ACACA: variants seen among roughly 807,000 people sequenced by gnomAD.
The protein encoded by ACACA is acetyl-CoA carboxylase alpha.
ACACA carries 103 observed loss-of-function variants against 296.1 expected under a neutral mutation model. The ratio of observed to expected loss-of-function variants is 0.35; its 90% confidence interval spans 0.30 to 0.41. The LOEUF is 0.41. ACACA is among the 10% of genes least tolerant of loss of function. The pLI is 1.00. For missense variants in ACACA, 1,554 were observed against 2,989.7 expected, an observed-to-expected ratio of 0.52 and a Z score of 11.20; for synonymous variants, 953 against 1,038.6, an observed-to-expected ratio of 0.92 and a Z score of 1.58.
At chr17:37,217,175 C>A (rs1331480133) in intron 29 of ACACA, among the ~76,000 whole-genome samples, 2 of 146,682 alleles carry the variant, frequency 1.4e-5, no homozygotes, top group African/African-American at 5.1e-5. Context: ...GCAGGAGAAT[C>A]GCTTGAACCT....
At chr17:37,390,175 TAC>T (rs1158274937) in intron 1 of ACACA, among the ~76,000 whole-genome samples, 6 of 44,514 alleles carry the variant, frequency 1.3e-4, no homozygotes, top group Non-Finnish European at 1.4e-4. Context: ...TATATATATA[TAC>T]ACACACACAT....
intron 48 of ACACA, among the ~76,000 whole-genome samples, chr17:37,122,959 C>G (rs1270538283): frequency 1.3e-5 from 2 of 152,130 alleles, no homozygotes; most frequent in East Asian, 3.9e-4. Context: ...GGCTGCTAAA[C>G]GAAATTTCTC....
At chr17:37,100,147 A>G (rs2073274269) in intron 52 of ACACA, among the ~76,000 whole-genome samples, 1 of 152,194 alleles carries the variant, frequency 6.6e-6, no homozygotes, top group Non-Finnish European at 1.5e-5. Context: ...AATTAGAAAA[A>G]TCACCGTTTT....
intron 42 of ACACA, among the ~76,000 whole-genome samples, chr17:37,159,910 T>C (rs1395359445): frequency 6.6e-6 from 1 of 152,174 alleles, no homozygotes; most frequent in African/African-American, 2.4e-5. Flanking sequence ...CAGAAGAAAG[T>C]ATTTCAAGGA....
Position 37,230,250 on chromosome 17 carries a change from G to A in ACACA, c.3247-3798C>T, listed in dbSNP as rs536584366. On this transcript the variant is annotated intron_variant, in intron 25 of 55. Coordinates refer to ENST00000616317, the MANE Select transcript of ACACA (RefSeq NM_198834.3). ...AAATACAAAATTAACTGGGTGCAGTGGTGCATGCCTGTTATCCCAGCTACT... is the reference window on the plus strand; with the variant it reads ...AAATACAAAATTAACTGGGTGCAGTAGTGCATGCCTGTTATCCCAGCTACT... Among the ~76,000 whole-genome samples, 10 of 151,674 alleles carry A rather than the reference G, an allele frequency of 6.6e-5. 1 individual carries two copies. The South Asian group carries it at 1.9e-3, about 28-fold the overall frequency.
At chr17:37,310,580 G>A (rs1015535055) in intron 3 of ACACA, among the ~76,000 whole-genome samples, 11 of 151,838 alleles carry the variant, frequency 7.2e-5, no homozygotes, top group African/African-American at 2.7e-4. Context: ...GATCACCTGA[G>A]GTCAGGAGTC....
intron 1 of ACACA, among the ~76,000 whole-genome samples, chr17:37,362,322 T>A (rs1480162090): frequency 1.3e-5 from 2 of 152,206 alleles, no homozygotes; most frequent in Non-Finnish European, 2.9e-5. Context: ...TATTAGGGAC[T>A]CATCCTGAGC....
chr17:37,162,133 A>G (rs771390540), intron 41 of ACACA, 83 bp from the exon 42 acceptor site: 16 of 1,438,768 alleles, frequency 1.1e-5, no homozygotes, highest in African/African-American at 1.4e-5. Context: ...ATCAGAGTAT[A>G]CCTAGGCACA....
At chr17:37,253,159 A>G in intron 14 of ACACA, 123 bp from the exon 15 acceptor site, 1 of 1,372,364 alleles carries the variant, frequency 7.3e-7, no homozygotes, top group Non-Finnish European at 1.0e-6. Flanking sequence ...TGGGAGGCCA[A>G]GACAAGGCGG....
chr17:37,085,650 TGAGGCTCTGACTCCTG>T lies in ACACA; in HGVS notation c.*1650_*1665del. ...GTACCTTCCACCAGGGCAGCCGGGC[TGAGGCTCTGACTCCTG>T]GGGGCTGTCCGCTCCATACCCAGCC... On this transcript the variant is annotated 3_prime_UTR_variant, in exon 56 of 56. Transcript: ENST00000616317. The T allele has an allele frequency of 2.5e-6, 1 of 399,194 alleles. No homozygotes were observed. The highest frequency in any genetic ancestry group is 4.4e-5 in the Admixed American group (1 of 22,734). 24.7% of individuals were successfully genotyped at this position (399,194 alleles called of 1,614,324 possible). A position where few individuals can be genotyped will look rare whatever the true frequency, so the allele number is the denominator to read the frequency against.
At chr17:37,216,106 C>T (rs893081694) in intron 29 of ACACA, among the ~76,000 whole-genome samples, 25 of 141,476 alleles carry the variant, frequency 1.8e-4, no homozygotes, top group Admixed American at 5.6e-4. Context: ...GCCTTTAATG[C>T]TAAGAAGGTA....
At chr17:37,099,173 G>A (rs544678282) in intron 52 of ACACA, among the ~76,000 whole-genome samples, 3 of 152,296 alleles carry the variant, frequency 2.0e-5, no homozygotes, top group South Asian at 2.1e-4. Flanking sequence ...TGACTGAGCC[G>A]TATTATACAT....
At chr17:37,335,207 C>T (rs545659258) in intron 2 of ACACA, among the ~76,000 whole-genome samples, 15 of 152,246 alleles carry the variant, frequency 9.9e-5, no homozygotes, top group Middle Eastern at 6.8e-3. Context: ...CATGAGGTCT[C>T]GGCCCAAAAC....
At chr17:37,211,661 A>G (rs540082590) in intron 29 of ACACA, among the ~76,000 whole-genome samples, 1 of 152,330 alleles carries the variant, frequency 6.6e-6, no homozygotes, top group East Asian at 1.9e-4. Context: ...AGATAGAGGG[A>G]GGAAAACGAT....
At chr17:37,172,208 G>C (rs2076909199) in intron 41 of ACACA, among the ~76,000 whole-genome samples, 2 of 152,122 alleles carry the variant, frequency 1.3e-5, no homozygotes, top group Admixed American at 6.5e-5. Flanking sequence ...ACTTATTTTT[G>C]AAAGAAACTG....
intron 3 of ACACA, among the ~76,000 whole-genome samples, chr17:37,288,793 G>A (rs2082908266): frequency 6.6e-6 from 1 of 152,062 alleles, no homozygotes; most frequent in South Asian, 2.1e-4. Flanking sequence ...CAGCTACTTA[G>A]GAGGCTGAGG....
At chr17:37,089,419 GTTAAAAGCCCAAA>G (rs1471103588) in intron 54 of ACACA, among the ~76,000 whole-genome samples, 1 of 152,214 alleles carries the variant, frequency 6.6e-6, no homozygotes, top group Non-Finnish European at 1.5e-5. Flanking sequence ...GAGAGAACCA[GTTAAAAGCCCAAA>G]TTACTTAGTA....
intron 25 of ACACA, among the ~76,000 whole-genome samples, chr17:37,232,526 T>G (rs1317394844): frequency 6.6e-6 from 1 of 152,100 alleles, no homozygotes; most frequent in African/African-American, 2.4e-5. Flanking sequence ...GGGGAACAGC[T>G]AAGCGTTGTC....
intron 45 of ACACA, among the ~76,000 whole-genome samples, chr17:37,145,893 T>A (rs962440025): frequency 6.6e-6 from 1 of 152,182 alleles, no homozygotes; most frequent in Non-Finnish European, 1.5e-5. Context: ...TTGAATATTT[T>A]ACAAATAACT....
Sources: allele counts gnomAD v4.1 joint callset (sites outside exome capture counted in the v4.1 genomes callset), GRCh38; gene constraint gnomAD v4.1.1; transcripts MANE v1.5; gene names NCBI Gene and HGNC (gene_info 2026-07-23, HGNC 2026-07-21).